The following TET3 variants were observed in gnomAD, a reference collection of about 807,000 sequenced individuals.
The protein encoded by TET3 is methylcytosine dioxygenase TET3.
In TET3, 19 loss-of-function variants were observed where a neutral mutation model predicts 141.4. The observed-to-expected ratio is 0.13, with a 90% CI of 0.09 to 0.20. The LOEUF (loss-of-function observed/expected upper bound fraction) is 0.20. Among genes scored for constraint, TET3 ranks in the 10% least tolerant of loss-of-function variants. TET3 has a pLI of 1.00. For missense variants in TET3, 1,874 were observed against 2,356.9 expected, an observed-to-expected ratio of 0.80 and a Z score of 4.24; for synonymous variants, 1,043 against 980.9, an observed-to-expected ratio of 1.06 and a Z score of -1.18.
intron 3 of TET3, among the ~76,000 whole-genome samples, chr2:74,031,251 G>GGA (rs1006990186): frequency 7.9e-5 from 12 of 152,058 alleles, no homozygotes; most frequent in African/African-American, 2.9e-4. Context: ...GGAGAATGGA[G>GGA]GAGGACCAGT....
At chr2:74,109,550 A>C (rs142455898), downstream of TET3, among the ~76,000 whole-genome samples, 80 of 152,328 alleles carry the variant, frequency 5.3e-4, no homozygotes, top group African/African-American at 1.8e-3. Flanking sequence ...AAGTTGTTGC[A>C]ATTATAAATT....
At chr2:73,983,678 G>T (rs1426922837), upstream of TET3, among the ~76,000 whole-genome samples, 2 of 152,228 alleles carry the variant, frequency 1.3e-5, no homozygotes, top group Admixed American at 1.3e-4. Flanking sequence ...TAAATAGCCG[G>T]CCGAATGCTC....
intron 4 of TET3, among the ~76,000 whole-genome samples, chr2:74,062,881 CT>C (rs10649388): frequency 0.044 from 5,297 of 121,308 alleles, 169 homozygotes; most frequent in African/African-American, 0.14. Context: ...TCAGGTGAAA[CT>C]TTTTTTTTTT....
the TET3 span, among the ~76,000 whole-genome samples, chr2:74,114,245 G>T: frequency 6.6e-6 from 1 of 152,088 alleles, no homozygotes. Flanking sequence ...TTATAAGTGG[G>T]AGCTAAGCTA....
At chr2:74,076,634 G>A (rs1390269859) in intron 5 of TET3, among the ~76,000 whole-genome samples, 1 of 144,246 alleles carries the variant, frequency 6.9e-6, no homozygotes, top group Non-Finnish European at 1.5e-5. Context: ...CCTTTACTCT[G>A]ATTTCATCAC....
chr2:74,067,547 T>G (rs1688975584), intron 4 of TET3, among the ~76,000 whole-genome samples: 2 of 152,238 alleles, frequency 1.3e-5, no homozygotes, highest in Non-Finnish European at 2.9e-5. Flanking sequence ...CTGTGCTACA[T>G]TAACAATTAC....
chr2:74,087,284 A>G lies in TET3; in HGVS notation c.2680-546A>G, dbSNP rs1690216235. Among the ~76,000 whole-genome samples, 1 of 152,290 alleles carries G rather than the reference A, an allele frequency of 6.6e-6. No individual in the cohort carries two copies. Among genetic ancestry groups the G allele is most frequent in the Non-Finnish European group, 1.5e-5 (1 of 68,024 alleles). ...GAATAGTGCTGCAGTGAACGTGGGT[A>G]TTCAGGGATCTGCCTGAGTCCTGCT... is the stretch of plus-strand genomic sequence containing the variant. On this transcript the variant is annotated intron_variant, in intron 6 of 11. Coordinates refer to ENST00000409262, the MANE Select transcript of TET3 (RefSeq NM_001287491.2). The surrounding 1 kb of genome is among the most constrained non-coding windows in gnomAD (Gnocchi z 4.3).
the TET3 span, among the ~76,000 whole-genome samples, chr2:74,116,689 T>TAAAAAA: frequency 7.5e-6 from 1 of 133,080 alleles, no homozygotes; most frequent in Non-Finnish European, 1.6e-5. Flanking sequence ...CATCCCAAGT[T>TAAAAAA]AAAAAAAAAA....
At chr2:74,124,494 A>C in the TET3 span, among the ~76,000 whole-genome samples, 1 of 152,236 alleles carries the variant, frequency 6.6e-6, no homozygotes, top group African/African-American at 2.4e-5. Flanking sequence ...TGAATAGAAA[A>C]GGGGGAAATG....
chr2:74,048,517 C>A, intron 4 of TET3, 106 bp downstream of exon 4: 1 of 1,206,720 alleles, frequency 8.3e-7, no homozygotes, highest in Non-Finnish European at 1.1e-6. Context: ...TTTGTGCCAA[C>A]TGCCACACTG....
At chr2:73,991,305 C>T (rs924891269) in intron 2 of TET3, among the ~76,000 whole-genome samples, 28 of 151,536 alleles carry the variant, frequency 1.8e-4, no homozygotes. Context: ...AAACTCTGGC[C>T]GGGCACGGTG....
At chr2:74,128,186 T>C in the TET3 span, among the ~76,000 whole-genome samples, 3 of 152,164 alleles carry the variant, frequency 2.0e-5, no homozygotes, top group African/African-American at 7.2e-5. Context: ...CAAGGCATTT[T>C]TTTTTTCGCT....
chr2:74,082,060 T>A (rs931016679), intron 6 of TET3, among the ~76,000 whole-genome samples: 1 of 151,568 alleles, frequency 6.6e-6, no homozygotes, highest in Admixed American at 6.6e-5. Context: ...TTTCTCCTGC[T>A]AATTCATGCA....
At chr2:74,028,658 A>G (rs568364081) in intron 3 of TET3, among the ~76,000 whole-genome samples, 10 of 152,308 alleles carry the variant, frequency 6.6e-5, no homozygotes, top group African/African-American at 2.2e-4. Context: ...TTTATTGGTT[A>G]CTTGCATGTA....
At chr2:73,995,747 G>A (rs568092730) in intron 2 of TET3, among the ~76,000 whole-genome samples, 1 of 152,178 alleles carries the variant, frequency 6.6e-6, no homozygotes. Context: ...GAGTGACCCT[G>A]TGTGGTCCCT....
chr2:74,091,580 AGGG>A (rs1690499713), intron 8 of TET3, among the ~76,000 whole-genome samples: 3 of 152,242 alleles, frequency 2.0e-5, no homozygotes, highest in Non-Finnish European at 4.4e-5. Flanking sequence ...GACATCAGGC[AGGG>A]AGGTGGCCTG....
chr2:74,071,356 A>G (rs564629208), intron 4 of TET3, among the ~76,000 whole-genome samples: 1 of 152,238 alleles, frequency 6.6e-6, no homozygotes, highest in African/African-American at 2.4e-5. Context: ...TCTTGCAGAC[A>G]GTGTTGCTGT....
the TET3 span, among the ~76,000 whole-genome samples, chr2:74,130,156 C>T: frequency 6.6e-6 from 1 of 151,854 alleles, no homozygotes; most frequent in South Asian, 2.1e-4. Flanking sequence ...TTTGTTTGAC[C>T]ATAGTCACTA....
Position 74,065,732 on chromosome 2 carries a change from CCTTT to C in TET3, c.2495-7811_2495-7808del, listed in dbSNP as rs946998970. On this transcript the variant is annotated intron_variant, in intron 4 of 11. Transcript: ENST00000409262. The stretch of plus-strand genomic sequence containing the variant: ...TTCTTTCCTTCTTTCCTTTTCTTTC[CCTTT>C]CTTTCCTTTCCTCTTCTCTTCTCTT... Among the ~76,000 whole-genome samples the C allele has an allele frequency of 2.9e-5, 4 of 139,460 alleles. No individual in the cohort carries two copies. The East Asian group carries it at 6.2e-4, about 22-fold the overall frequency. The allele number at this position is 139,460 out of a possible 152,430, so 91.5% of individuals were successfully genotyped here.
Sources: allele counts gnomAD v4.1 joint callset (sites outside exome capture counted in the v4.1 genomes callset), GRCh38; gene constraint gnomAD v4.1.1; non-coding constraint Gnocchi (gnomAD v3.1); transcripts MANE v1.5; gene names NCBI Gene and HGNC (gene_info 2026-07-23, HGNC 2026-07-21).